ARHGAP28: variants seen among roughly 807,000 people sequenced by gnomAD.
The protein encoded by ARHGAP28 is rho GTPase-activating protein 28.
A neutral mutation model predicts 90.7 loss-of-function variants in ARHGAP28; 56 were observed. The observed-to-expected ratio is 0.62, with a 90% confidence interval of 0.50 to 0.77. The LOEUF (loss-of-function observed/expected upper bound fraction) is 0.77, where lower values mean the gene tolerates loss of function less well. Among genes scored for constraint, ARHGAP28 ranks in the 30% least tolerant of loss-of-function variants. The probability of loss-of-function intolerance (pLI) is 0.00; values close to 1 mark genes in which losing one functional copy is unlikely to be tolerated. For synonymous variants in ARHGAP28, 308 were observed against 323.3 expected (o/e 0.95, Z 0.51); for missense variants, 869 against 900.9 (o/e 0.96, Z 0.45).
intron 1 of ARHGAP28, among the ~76,000 whole-genome samples, chr18:6,733,839 A>C (rs181217022): frequency 6.6e-6 from 1 of 152,322 alleles, no homozygotes; most frequent in Non-Finnish European, 1.5e-5. Flanking sequence ...ACAACAACAA[A>C]AAAACATTCT....
chr18:6,844,102 A>C (rs2143151888), intron 3 of ARHGAP28, among the ~76,000 whole-genome samples: 1 of 152,310 alleles, frequency 6.6e-6, no homozygotes, highest in Non-Finnish European at 1.5e-5. Context: ...ATTTATCTCC[A>C]GCTTCATAAT....
intron 1 of ARHGAP28, among the ~76,000 whole-genome samples, chr18:6,779,947 TATG>T (rs2056311895): frequency 1.3e-5 from 2 of 152,220 alleles, no homozygotes; most frequent in Non-Finnish European, 2.9e-5. Context: ...GAATGATCCC[TATG>T]AACTAGAACA....
At chr18:6,860,129 A>G (rs2056986480) in intron 5 of ARHGAP28, among the ~76,000 whole-genome samples, 1 of 152,220 alleles carries the variant, frequency 6.6e-6, no homozygotes, top group Admixed American at 6.5e-5. Flanking sequence ...CCAGAAATCA[A>G]AGGATGTTTT....
Position 6,912,292 on chromosome 18 carries a change from G to T in ARHGAP28, c.*138G>T. The T allele has an allele frequency of 2.1e-6, 1 of 477,402 alleles. No individual in the cohort carries two copies. The allele number at this position is 477,402 out of a possible 1,614,324, so 29.6% of individuals were successfully genotyped here. On this transcript the variant is annotated 3_prime_UTR_variant, in exon 18 of 18. Coordinates refer to ENST00000383472, the MANE Select transcript of ARHGAP28 (RefSeq NM_001366230.1). Reference sequence around the variant, plus strand: ...TTTCTGGCCCTCAGCAGTGGGCATTGTAAGCATGAACTATGGAAGAGGCGC... The same window carrying T: ...TTTCTGGCCCTCAGCAGTGGGCATTTTAAGCATGAACTATGGAAGAGGCGC...
chr18:6,793,592 C>G (rs2056420989), intron 1 of ARHGAP28, among the ~76,000 whole-genome samples: 1 of 152,056 alleles, frequency 6.6e-6, no homozygotes, highest in Non-Finnish European at 1.5e-5. Flanking sequence ...CCCTATTCAC[C>G]CTTTTCCCTC....
chr18:6,900,673 G>A (rs2057333754), intron 16 of ARHGAP28, among the ~76,000 whole-genome samples: 1 of 148,832 alleles, frequency 6.7e-6, no homozygotes. Flanking sequence ...AGGGACCTAC[G>A]GGAGTCTAAC....
intron 4 of ARHGAP28, among the ~76,000 whole-genome samples, chr18:6,857,767 GA>G (rs1198277025): frequency 6.6e-6 from 1 of 152,208 alleles, no homozygotes; most frequent in East Asian, 1.9e-4. Flanking sequence ...CAGATAGAAG[GA>G]ATTACAGCTC....
chr18:6,872,990 AG>A (rs1417439329), intron 7 of ARHGAP28, among the ~76,000 whole-genome samples: 22 of 152,240 alleles, frequency 1.4e-4, no homozygotes. Flanking sequence ...CTGCCCAAGA[AG>A]GAAAAAAAAA....
chr18:6,824,713 A>C, intron 1 of ARHGAP28, 49 bp from the exon 2 acceptor site: 1 of 1,429,424 alleles, frequency 7.0e-7, no homozygotes, highest in East Asian at 2.5e-5. Context: ...TGGCTTTATA[A>C]CATAAAAATA....
At chr18:6,896,809 C>A in intron 16 of ARHGAP28, 183 bp downstream of exon 16, 1 of 632,300 alleles carries the variant, frequency 1.6e-6, no homozygotes, top group Non-Finnish European at 2.5e-6. Flanking sequence ...TTGCTAACAA[C>A]AAAAGTTGTT....
chr18:6,855,550 A>AT (rs1350173226), intron 4 of ARHGAP28, among the ~76,000 whole-genome samples: 1 of 151,982 alleles, frequency 6.6e-6, no homozygotes, highest in African/African-American at 2.4e-5. Flanking sequence ...CGTGTACCTC[A>AT]TTTTTCCTGG....
At chr18:6,904,520 C>T (rs1442563526) in intron 16 of ARHGAP28, among the ~76,000 whole-genome samples, 1 of 152,128 alleles carries the variant, frequency 6.6e-6, no homozygotes, top group Non-Finnish European at 1.5e-5. Flanking sequence ...ATCAACTGTC[C>T]AAGTTCCTAC....
chr18:6,783,865 T>G (rs562372691), intron 1 of ARHGAP28, among the ~76,000 whole-genome samples: 11 of 152,176 alleles, frequency 7.2e-5, no homozygotes, highest in Non-Finnish European at 1.5e-4. Flanking sequence ...ACAGCTCTTT[T>G]CATGACCCTG....
intron 3 of ARHGAP28, among the ~76,000 whole-genome samples, chr18:6,841,189 C>CCTCTT (rs2056817150): frequency 1.7e-5 from 1 of 59,716 alleles, no homozygotes; most frequent in Non-Finnish European, 3.2e-5. Context: ...TCCTCTCTCT[C>CCTCTT]TCTCTCTCTC....
chr18:6,799,053 A>C (rs1360574769), intron 1 of ARHGAP28, among the ~76,000 whole-genome samples: 1 of 152,206 alleles, frequency 6.6e-6, no homozygotes, highest in African/African-American at 2.4e-5. Flanking sequence ...ATGTGTTGGC[A>C]GAACCTTTTC....
chr18:6,765,165 T>C (rs577461543), intron 1 of ARHGAP28, among the ~76,000 whole-genome samples: 2 of 152,372 alleles, frequency 1.3e-5, no homozygotes, highest in South Asian at 4.1e-4. Context: ...ATTATAATCC[T>C]GGCTTCTTAC....
At chr18:6,896,441 A>C (rs1256644301) in intron 15 of ARHGAP28, 61 bp from the exon 16 acceptor site, 4 of 1,590,582 alleles carry the variant, frequency 2.5e-6, no homozygotes, top group Non-Finnish European at 3.4e-6. Flanking sequence ...TCTTAAGTGC[A>C]TCATTGAGCC....
intron 17 of ARHGAP28, among the ~76,000 whole-genome samples, chr18:6,909,269 TCTTTG>T (rs67262544): frequency 0.49 from 59,939 of 122,740 alleles, 15,740 homozygotes; most frequent in Non-Finnish European, 0.59. Context: ...TCTTTTCTTT[TCTTTG>T]CTTTTCTTTT....
intron 1 of ARHGAP28, among the ~76,000 whole-genome samples, chr18:6,747,918 G>A (rs958800645): frequency 6.6e-6 from 1 of 152,184 alleles, no homozygotes; most frequent in African/African-American, 2.4e-5. Context: ...TGCACCAAAG[G>A]CACATGGGGT....
Sources: allele counts gnomAD v4.1 joint callset (sites outside exome capture counted in the v4.1 genomes callset), GRCh38; gene constraint gnomAD v4.1.1; transcripts MANE v1.5; gene names NCBI Gene and HGNC (gene_info 2026-07-23, HGNC 2026-07-21).